Variants in PAPPA observed in about 807,000 individuals in gnomAD.
The protein encoded by PAPPA is pappalysin-1.
A neutral mutation model predicts 164.0 loss-of-function variants in PAPPA; 60 were observed. That is an observed-to-expected ratio of 0.37 (90% CI 0.30 to 0.45). The LOEUF is 0.45. PAPPA is among the 20% of genes least tolerant of loss of function. The pLI is 1.00. For missense variants in PAPPA, 1,782 were observed against 2,087.3 expected, an observed-to-expected ratio of 0.85 and a Z score of 2.85; for synonymous variants, 875 against 814.1, an observed-to-expected ratio of 1.07 and a Z score of -1.27.
At chr9:116,157,801 G>A (rs1296572336) in intron 1 of PAPPA, among the ~76,000 whole-genome samples, 7 of 152,130 alleles carry the variant, frequency 4.6e-5, no homozygotes, top group Non-Finnish European at 4.4e-5. Flanking sequence ...TCCCTTTCAA[G>A]TCAGGGGATG....
intron 13 of PAPPA, 32 bp downstream of exon 13, chr9:116,335,106 C>T (rs1217806062): frequency 6.5e-7 from 1 of 1,549,452 alleles, no homozygotes; most frequent in East Asian, 2.2e-5. Flanking sequence ...CGCCCTAGGC[C>T]ACTTGTAGCC....
chr9:116,168,960 C>T (rs981081364), intron 1 of PAPPA, among the ~76,000 whole-genome samples: 4 of 152,098 alleles, frequency 2.6e-5, no homozygotes, highest in Non-Finnish European at 5.9e-5. Flanking sequence ...CTAGTCATGT[C>T]GGTGAGGGCT....
At chr9:116,331,583 G>T (rs148197853) in intron 11 of PAPPA, among the ~76,000 whole-genome samples, 1 of 152,302 alleles carries the variant, frequency 6.6e-6, no homozygotes. Flanking sequence ...GATACATCTT[G>T]TCTGCCTGGA....
Position 116,382,433 on chromosome 9 carries a change from C to T in PAPPA, c.4716C>T (p.Asn1572=), listed in dbSNP as rs1355864464. ...ACAATTATTGTGATGCCATCAACAA[C>T]CGAGCCTTTTGCAACTATGACGGTG... The part of the protein sequence containing the change: ...MGDNYCDAIN[N]RAFCNYDGGD... The change falls in exon 21 of 22, where the codon AAC becomes AAT. Residue 1572 remains asparagine (N), a synonymous_variant. Transcript: ENST00000328252. The T allele has an allele frequency of 3.7e-6, 6 of 1,613,914 alleles. No homozygotes were observed. The highest frequency in any genetic ancestry group is 4.2e-6 in the Non-Finnish European group (5 of 1,179,844).
chr9:116,202,151 C>T (rs1412333176), intron 2 of PAPPA, among the ~76,000 whole-genome samples: 1 of 152,170 alleles, frequency 6.6e-6, no homozygotes, highest in Non-Finnish European at 1.5e-5. Flanking sequence ...TATGCTTCTA[C>T]AGGTGAAAAC....
At chr9:116,242,873 CT>C (rs1844752344) in intron 7 of PAPPA, among the ~76,000 whole-genome samples, 2 of 152,140 alleles carry the variant, frequency 1.3e-5, no homozygotes, top group South Asian at 4.1e-4. Context: ...TTTTTACCCA[CT>C]TTGATGGGAA....
At chr9:116,198,126 T>C (rs1369715859) in intron 2 of PAPPA, among the ~76,000 whole-genome samples, 5 of 152,204 alleles carry the variant, frequency 3.3e-5, no homozygotes, top group African/African-American at 1.2e-4. Flanking sequence ...TATTTATCAA[T>C]TTGGTTTGAT....
chr9:116,192,790 G>T (rs143532728), intron 2 of PAPPA, among the ~76,000 whole-genome samples: 1 of 152,184 alleles, frequency 6.6e-6, no homozygotes, highest in East Asian at 1.9e-4. Context: ...ATGTCTCCAC[G>T]CAGGTAGAAT....
chr9:116,311,323 A>G (rs1053585923), intron 10 of PAPPA, among the ~76,000 whole-genome samples: 1 of 152,208 alleles, frequency 6.6e-6, no homozygotes, highest in Admixed American at 6.5e-5. Context: ...CTCAGGCAGT[A>G]AGTTATGTGC....
chr9:116,346,219 A>G lies in PAPPA; in HGVS notation c.3781-807A>G, dbSNP rs553292132. On this transcript the variant is annotated intron_variant, in intron 14 of 21. Transcript: ENST00000328252. The stretch of plus-strand genomic sequence containing the variant: ...GCTTCCTCCTTGAATGAAAGCCTCC[A>G]GGCTGCAATGATTGTCCATCCCTTG... Among the ~76,000 whole-genome samples the G allele has an allele frequency of 8.3e-4, 127 of 152,320 alleles. 1 individual carries two copies. Among genetic ancestry groups the G allele is most frequent in the Non-Finnish European group, 1.3e-3 (89 of 68,028 alleles).
At chr9:116,254,990 C>T (rs1182891238) in intron 7 of PAPPA, among the ~76,000 whole-genome samples, 1 of 151,670 alleles carries the variant, frequency 6.6e-6, no homozygotes, top group Non-Finnish European at 1.5e-5. Flanking sequence ...ACTTCCCAGT[C>T]TTTTTTTAAA....
rs573612890 is a variant in PAPPA at position 116,378,588 on chromosome 9, T to G, written c.4677+941T>G. Reference sequence around the variant, plus strand: ...TTACCTAATCTCAACTAATCTTTTATTTTTAAAATGGGTAAACAGAGACCC... The same window carrying G: ...TTACCTAATCTCAACTAATCTTTTAGTTTTAAAATGGGTAAACAGAGACCC... On this transcript the variant is annotated intron_variant, in intron 20 of 21. Coordinates refer to ENST00000328252, the MANE Select transcript of PAPPA (RefSeq NM_002581.5). Among the ~76,000 whole-genome samples the G allele has an allele frequency of 7.2e-5, 11 of 152,310 alleles. No individual in the cohort carries two copies. In the East Asian group the frequency reaches 2.1e-3, roughly 29 times the overall value.
At position 116,344,626 on chromosome 9, in the gene PAPPA, G is replaced by A. The variant is rs138454284; in HGVS notation, c.3695G>A (p.Arg1232His). ...TCTCTCAATTGCTCCAGCAGCGACC[G>A]CTACCACGGTGCCCAGTGTACTGTG... ...NASLNCSSSD[R>H]YHGAQCTVSC... is the part of the protein sequence containing the mutation. The change falls in exon 14 of 22, where the codon CGC becomes CAC. Residue 1232 changes from arginine (R) to histidine (H), a missense_variant. By Grantham distance (29) the Arg-to-His change is conservative (BLOSUM62 0). Around this residue, in one of 2 missense-constraint regions of PAPPA, gnomAD observed 1,324 missense variants for 1,656.9 expected, o/e 0.80. Transcript: ENST00000328252. 965 of 1,614,122 alleles carry A rather than the reference G, an allele frequency of 6.0e-4. 4 individuals are homozygous for A. The African/African-American group carries it at 1.0e-2, about 17-fold the overall frequency.
intron 1 of PAPPA, among the ~76,000 whole-genome samples, chr9:116,179,208 G>C (rs753964432): frequency 1.2e-4 from 19 of 152,200 alleles, no homozygotes; most frequent in Non-Finnish European, 2.1e-4. Context: ...ATGTCACACA[G>C]CTAGTAAAAA....
chr9:116,295,277 C>T (rs1845487728), intron 9 of PAPPA, among the ~76,000 whole-genome samples: 1 of 152,100 alleles, frequency 6.6e-6, no homozygotes, highest in Non-Finnish European at 1.5e-5. Context: ...GTGGGCCGGG[C>T]ATGGTGGCTC....
intron 19 of PAPPA, among the ~76,000 whole-genome samples, chr9:116,372,477 A>T (rs1228105646): frequency 6.6e-6 from 1 of 152,204 alleles, no homozygotes; most frequent in East Asian, 1.9e-4. Context: ...GTAGCCTAGA[A>T]GCTGTTGGCT....
At chr9:116,214,992 G>A (rs2118692794) in intron 4 of PAPPA, among the ~76,000 whole-genome samples, 1 of 152,308 alleles carries the variant, frequency 6.6e-6, no homozygotes, top group African/African-American at 2.4e-5. Context: ...CTATATGCCA[G>A]GTATAGAAAA....
intron 9 of PAPPA, among the ~76,000 whole-genome samples, chr9:116,302,214 AACTTTTTATTACAGT>A (rs1227489251): frequency 6.6e-6 from 1 of 152,114 alleles, no homozygotes; most frequent in Non-Finnish European, 1.5e-5. Context: ...AGTGTTTGTG[AACTTTTTATTACAGT>A]ATAGACACAC....
At chr9:116,214,472 G>A (rs1844347004) in intron 4 of PAPPA, among the ~76,000 whole-genome samples, 1 of 152,116 alleles carries the variant, frequency 6.6e-6, no homozygotes, top group Non-Finnish European at 1.5e-5. Flanking sequence ...AAACTCAAGT[G>A]TTTCTTACTG....
Sources: gnomAD v4.1 joint callset for allele counts (sites outside exome capture counted in the v4.1 genomes callset) on GRCh38, gnomAD v4.1.1 for gene constraint, gnomAD v4.1.1 regional missense constraint, MANE v1.5 for transcripts, NCBI Gene and HGNC (gene_info 2026-07-23, HGNC 2026-07-21) for gene names.